Variants in IGSF21 observed in about 807,000 individuals in gnomAD.
IGSF21 encodes immunoglobin superfamily member 21, also known as immunoglobulin superfamily member 21.
IGSF21 carries 28 observed loss-of-function variants against 46.8 expected under a neutral mutation model. The observed-to-expected ratio is 0.60, with a 90% confidence interval of 0.44 to 0.82. The LOEUF (loss-of-function observed/expected upper bound fraction) is 0.82, where lower values mean the gene tolerates loss of function less well. Ranked by LOEUF, IGSF21 falls within the 40% of genes least tolerant of loss-of-function variation. IGSF21 has a pLI of 0.00. For missense variants in IGSF21, 624 were observed against 665.5 expected, an observed-to-expected ratio of 0.94 and a Z score of 0.69; for synonymous variants, 284 against 273.6, an observed-to-expected ratio of 1.04 and a Z score of -0.38.
At chr1:18,357,497 A>G (rs2086033364) in intron 4 of IGSF21, among the ~76,000 whole-genome samples, 1 of 138,096 alleles carries the variant, frequency 7.2e-6, no homozygotes, top group Non-Finnish European at 1.6e-5. Context: ...TGGGGATGGG[A>G]ATGAAGTGGA....
In IGSF21 at chr1:18,290,370, G is replaced by A. The variant is rs1346570235; in HGVS notation, c.184-1496G>A. On this transcript the variant is annotated intron_variant, in intron 2 of 9. Transcript: ENST00000251296. This position sits in a 1 kb window ranked among gnomAD's most constrained non-coding sequence, Gnocchi z 4.2. ...CTAAGTCCCGACAGAGATAGGAGGG[G>A]TGTGGGCTTACGGAGGGGTAAGGAG... Among the ~76,000 whole-genome samples, 1 of 152,194 alleles carries A rather than the reference G, an allele frequency of 6.6e-6. No individual in the cohort carries two copies. The highest frequency in any genetic ancestry group is 1.5e-5 in the Non-Finnish European group (1 of 68,042).
At chr1:18,230,891 A>G (rs935448503) in intron 2 of IGSF21, among the ~76,000 whole-genome samples, 2 of 148,024 alleles carry the variant, frequency 1.4e-5, no homozygotes, top group Non-Finnish European at 1.5e-5. Flanking sequence ...CGAACCCCCC[A>G]CTGTGGCTTC....
intron 2 of IGSF21, among the ~76,000 whole-genome samples, chr1:18,228,317 TCA>T (rs2084590456): frequency 1.3e-5 from 2 of 152,206 alleles, no homozygotes; most frequent in African/African-American, 2.4e-5. Flanking sequence ...CACAGTGTAA[TCA>T]CAAGTGATAT....
intron 1 of IGSF21, among the ~76,000 whole-genome samples, chr1:18,121,457 TTG>T (rs2086232841): frequency 6.6e-6 from 1 of 152,020 alleles, no homozygotes; most frequent in Non-Finnish European, 1.5e-5. Flanking sequence ...TACCTGACTG[TTG>T]AAATTGACTT....
intron 3 of IGSF21, among the ~76,000 whole-genome samples, chr1:18,304,708 T>TACAC (rs931235898): frequency 4.9e-4 from 31 of 63,270 alleles, no homozygotes; most frequent in African/African-American, 6.9e-4. Flanking sequence ...CACACACACA[T>TACAC]ACACACACAC....
At chr1:18,286,731 C>G (rs1017369870) in intron 2 of IGSF21, among the ~76,000 whole-genome samples, 4 of 152,220 alleles carry the variant, frequency 2.6e-5, no homozygotes, top group Admixed American at 1.3e-4. Context: ...CGCAGAGCAG[C>G]AAGGGCCTTT....
chr1:18,315,014 T>A (rs79544443), intron 3 of IGSF21, among the ~76,000 whole-genome samples: 1 of 152,036 alleles, frequency 6.6e-6, no homozygotes, highest in East Asian at 1.9e-4. Context: ...TTGGGGTTGA[T>A]AAGAGGACAG....
chr1:18,198,526 C>A (rs2087032691), intron 1 of IGSF21, among the ~76,000 whole-genome samples: 1 of 152,192 alleles, frequency 6.6e-6, no homozygotes, highest in South Asian at 2.1e-4. Flanking sequence ...CATAGAAAAA[C>A]CACGTAGCCA....
At chr1:18,196,757 A>G (rs561844579) in intron 1 of IGSF21, among the ~76,000 whole-genome samples, 6 of 152,310 alleles carry the variant, frequency 3.9e-5, no homozygotes, top group South Asian at 2.1e-4. Context: ...AACCCTAGGC[A>G]GTGACGGAGC....
rs151097642 is a variant in IGSF21, at chr1:18,183,816, G to A, written c.71-44082G>A. ...CGGGTGGCGGGTGGTGCGGGGGGAA[G>A]CTCTTCTTGTGAAGGGGGCAGAAAT... On this transcript the variant is annotated intron_variant, in intron 1 of 9. Coordinates refer to ENST00000251296, the MANE Select transcript of IGSF21 (RefSeq NM_032880.5). Among the ~76,000 whole-genome samples the A allele has an allele frequency of 7.1e-3, 1,075 of 152,240 alleles. 14 individuals are homozygous for A. Among genetic ancestry groups the A allele is most frequent in the African/African-American group, 0.023 (968 of 41,542 alleles).
intron 1 of IGSF21, among the ~76,000 whole-genome samples, chr1:18,130,755 T>C (rs932876700): frequency 2.0e-5 from 3 of 151,968 alleles, no homozygotes; most frequent in Admixed American, 6.5e-5. Context: ...AGAAAAAAAA[T>C]GTTACCTGAG....
intron 3 of IGSF21, among the ~76,000 whole-genome samples, chr1:18,328,812 T>C (rs1176723785): frequency 1.3e-5 from 2 of 152,142 alleles, no homozygotes; most frequent in Non-Finnish European, 2.9e-5. Context: ...GTGTCTCCAT[T>C]CTATGAAAAT....
chr1:18,232,576 T>C (rs1435344665), intron 2 of IGSF21, among the ~76,000 whole-genome samples: 1 of 152,226 alleles, frequency 6.6e-6, no homozygotes, highest in Non-Finnish European at 1.5e-5. Flanking sequence ...TCTCGGGTCA[T>C]GTTGCCTTCC....
intron 1 of IGSF21, among the ~76,000 whole-genome samples, chr1:18,193,423 G>A (rs1366432947): frequency 5.3e-5 from 8 of 152,110 alleles, no homozygotes; most frequent in Non-Finnish European, 8.8e-5. Flanking sequence ...AATTTATTAA[G>A]CATTAACTCA....
At chr1:18,214,384 G>C (rs1251455015) in intron 1 of IGSF21, among the ~76,000 whole-genome samples, 1 of 152,178 alleles carries the variant, frequency 6.6e-6, no homozygotes, top group South Asian at 2.1e-4. Flanking sequence ...GGAATCTTGA[G>C]TGAGATGCTC....
At chr1:18,364,352 A>C (rs2124632082) in intron 5 of IGSF21, among the ~76,000 whole-genome samples, 1 of 152,100 alleles carries the variant, frequency 6.6e-6, no homozygotes, top group Non-Finnish European at 1.5e-5. Flanking sequence ...TGTTGGCATT[A>C]CAAACTCCGA....
intron 7 of IGSF21, among the ~76,000 whole-genome samples, 190 bp downstream of exon 7, chr1:18,376,585 G>A (rs1329467523): frequency 6.6e-6 from 1 of 152,220 alleles, no homozygotes; most frequent in Non-Finnish European, 1.5e-5. Flanking sequence ...GTGCATGCAT[G>A]TTTCACACCT....
intron 3 of IGSF21, among the ~76,000 whole-genome samples, chr1:18,323,531 A>G (rs2085626195): frequency 6.6e-6 from 1 of 152,170 alleles, no homozygotes; most frequent in African/African-American, 2.4e-5. Context: ...GCAGGAGGAA[A>G]TGGCCAAGGA....
At chr1:18,126,597 C>G (rs1425798769) in intron 1 of IGSF21, among the ~76,000 whole-genome samples, 1 of 152,168 alleles carries the variant, frequency 6.6e-6, no homozygotes, top group East Asian at 1.9e-4. Flanking sequence ...GCAGTGCCCC[C>G]CTACTTGTGG....
Sources: gnomAD v4.1 joint callset for allele counts (sites outside exome capture counted in the v4.1 genomes callset) on GRCh38, gnomAD v4.1.1 for gene constraint, Gnocchi (gnomAD v3.1) non-coding constraint, MANE v1.5 for transcripts, NCBI Gene and HGNC (gene_info 2026-07-23, HGNC 2026-07-21) for gene names.